Variants in SENP2 observed in about 807,000 individuals in gnomAD.
The protein encoded by SENP2 is SUMO specific peptidase 2.
A neutral mutation model predicts 86.3 loss-of-function variants in SENP2; 16 were observed. That is an observed-to-expected ratio of 0.19 (90% CI 0.13 to 0.28). The LOEUF is 0.28. SENP2 is among the 10% of genes least tolerant of loss of function. The pLI is 1.00. For missense variants in SENP2, 552 were observed against 703.0 expected, an observed-to-expected ratio of 0.79 and a Z score of 2.43; for synonymous variants, 222 against 238.7, an observed-to-expected ratio of 0.93 and a Z score of 0.64.
chr3:185,611,881 G>T (rs923947818), intron 8 of SENP2, 136 bp downstream of exon 8: 21 of 672,296 alleles, frequency 3.1e-5, no homozygotes, highest in Admixed American at 5.4e-5. Context: ...ATTGGGCCGG[G>T]CGCGGTGGCT....
intron 16 of SENP2, among the ~76,000 whole-genome samples, chr3:185,628,509 C>T (rs1712254245): frequency 6.6e-6 from 1 of 151,374 alleles, no homozygotes; most frequent in African/African-American, 2.4e-5. Flanking sequence ...ATAATGTGAA[C>T]TTCTTTTTTT....
intron 16 of SENP2, among the ~76,000 whole-genome samples, chr3:185,628,433 G>T (rs763054007): frequency 6.6e-6 from 1 of 152,034 alleles, no homozygotes; most frequent in Non-Finnish European, 1.5e-5. Flanking sequence ...CACCACGCCC[G>T]GTGACATCAC....
Position 185,586,352 on chromosome 3 carries a change from GGCGACA to G in SENP2, c.-59_-54del, listed in dbSNP as rs909927347. 1 of 1,597,638 alleles carries G rather than the reference GGCGACA, an allele frequency of 6.3e-7. No homozygotes were observed. The highest frequency in any genetic ancestry group is 1.1e-5 in the South Asian group (1 of 90,026). On this transcript the variant is annotated 5_prime_UTR_variant, in exon 1 of 17. Coordinates refer to ENST00000296257, the MANE Select transcript of SENP2 (RefSeq NM_021627.3). The surrounding 1 kb of genome is among the most constrained non-coding windows in gnomAD (Gnocchi z 4.3). ...TTAAGACGGCGAAGGCGGCAGCGGC[GGCGACA>G]GCTCTGGGGTTTGCGTCTCGGGGTG... is the stretch of plus-strand genomic sequence containing the variant.
intron 7 of SENP2, among the ~76,000 whole-genome samples, chr3:185,609,878 A>G (rs1219726315): frequency 1.3e-5 from 2 of 152,170 alleles, no homozygotes; most frequent in Admixed American, 1.3e-4. Context: ...TTGGAAACCC[A>G]CTAGAGACAA....
At chr3:185,601,542 T>G (rs1013380319) in intron 5 of SENP2, among the ~76,000 whole-genome samples, 4 of 152,052 alleles carry the variant, frequency 2.6e-5, no homozygotes, top group Admixed American at 6.6e-5. Flanking sequence ...TTATTAATAG[T>G]TTTCTTACTT....
intron 4 of SENP2, among the ~76,000 whole-genome samples, 174 bp from the exon 5 acceptor site, chr3:185,600,591 C>T (rs2148984368): frequency 6.6e-6 from 1 of 152,278 alleles, no homozygotes; most frequent in Admixed American, 6.5e-5. Context: ...CTATTGCTTT[C>T]CTTTAACGTC....
intron 11 of SENP2, 97 bp downstream of exon 11, chr3:185,614,837 T>C (rs1711543971): frequency 8.8e-7 from 1 of 1,134,064 alleles, no homozygotes; most frequent in African/African-American, 1.6e-5. Flanking sequence ...TTCTCCAGGC[T>C]AGGGGTGAAT....
intron 1 of SENP2, 35 bp from the exon 2 acceptor site, chr3:185,590,079 C>A: frequency 1.7e-6 from 2 of 1,182,990 alleles, no homozygotes; most frequent in South Asian, 1.6e-5. Flanking sequence ...GTGTGTAAAT[C>A]TATATATATA....
chr3:185,614,385 T>G (rs1191795955), intron 10 of SENP2, 179 bp from the exon 11 acceptor site: 9 of 590,094 alleles, frequency 1.5e-5, no homozygotes, highest in Middle Eastern at 4.3e-4. Flanking sequence ...GGCCTAGGTC[T>G]GGAGCTTTTT....
chr3:185,617,391 T>C lies in SENP2; in HGVS notation c.1111-89T>C, dbSNP rs539644195. Reference sequence around the variant, plus strand: ...TCTCAAGAGTCAGGTGTTGCCGAGATGAAAAACTTTTTTCAGTCTCGGAGT... The same window carrying C: ...TCTCAAGAGTCAGGTGTTGCCGAGACGAAAAACTTTTTTCAGTCTCGGAGT... On this transcript the variant is annotated intron_variant, in intron 11 of 16. Transcript: ENST00000296257. 2.0e-5 allele frequency: 23 copies of C among 1,130,020 alleles called. No individual in the cohort carries two copies. In the South Asian group the frequency reaches 2.9e-4, roughly 14 times the overall value. 70.0% of individuals were successfully genotyped at this position (1,130,020 alleles called of 1,614,324 possible).
intron 5 of SENP2, 106 bp downstream of exon 5, chr3:185,600,961 C>T: frequency 1.4e-6 from 1 of 705,240 alleles, no homozygotes; most frequent in Non-Finnish European, 2.5e-6. Context: ...GCTAAGCGCT[C>T]TGAGGTTAGT....
At chr3:185,624,971 G>A (rs1170736712) in intron 15 of SENP2, among the ~76,000 whole-genome samples, 1 of 152,152 alleles carries the variant, frequency 6.6e-6, no homozygotes, top group Non-Finnish European at 1.5e-5. Context: ...CTGTGTTCTG[G>A]TATGGGAAAT....
chr3:185,614,093 A>C (rs1387332980), intron 10 of SENP2, among the ~76,000 whole-genome samples: 2 of 152,192 alleles, frequency 1.3e-5, no homozygotes, highest in African/African-American at 4.8e-5. Flanking sequence ...ATAGGTGTTC[A>C]TTCAAATTAA....
At position 185,632,224 on chromosome 3, in the gene SENP2, G is replaced by GTTTTT. The variant is rs766556308; in HGVS notation, c.*2388_*2392dup. 41 of 71,890 alleles carry GTTTTT rather than the reference G, an allele frequency of 5.7e-4. No homozygotes were observed. The highest frequency in any genetic ancestry group is 6.7e-4 in the Non-Finnish European group (23 of 34,106). The allele number at this position is 71,890 out of a possible 1,614,324, so 4.5% of individuals were successfully genotyped here. A position where few individuals can be genotyped will look rare whatever the true frequency, so the allele number is the denominator to read the frequency against. ...CATTAAAGCCAGTGGTTTTTTTTTT[G>GTTTTT]TTTTTTTTTTTTGTTTTTTTTTTTT... On this transcript the variant is annotated 3_prime_UTR_variant, in exon 17 of 17. Transcript: ENST00000296257.
chr3:185,613,588 T>TAAA, intron 10 of SENP2, 180 bp downstream of exon 10: 1 of 406,500 alleles, frequency 2.5e-6, no homozygotes, highest in South Asian at 3.5e-5. Flanking sequence ...CCCAGAACTT[T>TAAA]AGGAGGCCAA....
chr3:185,597,213 AGTGTGT>A (rs376119566), intron 2 of SENP2, among the ~76,000 whole-genome samples: 1 of 150,794 alleles, frequency 6.6e-6, no homozygotes, highest in South Asian at 2.1e-4. Flanking sequence ...GAACATTTTG[AGTGTGT>A]GTGTGTGTGT....
chr3:185,600,820 C>T lies in SENP2; in HGVS notation c.414C>T (p.Thr138=). ...SDYPKIRVTV[T]RDQPRRVLPS... ...ATCCAAAGATCAGAGTGACAGTTAC[C>T]CGAGATCAGCCACGCAGAGTCCTGC... The change falls in exon 5 of 17, where the codon ACC becomes ACT. Residue 138 remains threonine, a synonymous_variant. Coordinates refer to ENST00000296257, the MANE Select transcript of SENP2 (RefSeq NM_021627.3). The T allele has an allele frequency of 6.2e-7, 1 of 1,612,142 alleles. No individual in the cohort carries two copies. Among genetic ancestry groups the T allele is most frequent in the South Asian group, 1.1e-5 (1 of 91,008 alleles).
At chr3:185,603,539 G>A (rs930297019) in intron 5 of SENP2, among the ~76,000 whole-genome samples, 8 of 152,206 alleles carry the variant, frequency 5.3e-5, no homozygotes, top group African/African-American at 1.9e-4. Context: ...TGCATGCAAT[G>A]TGAGATCCTG....
chr3:185,586,441 G>C lies in SENP2; in HGVS notation c.28G>C (p.Gly10Arg), dbSNP rs1721783792. The C allele has an allele frequency of 1.2e-6, 2 of 1,614,050 alleles. No individual in the cohort carries two copies. The highest frequency in any genetic ancestry group is 1.7e-6 in the Non-Finnish European group (2 of 1,180,002). The part of the protein sequence containing the change: MYRWLVRIL[G>R]TIFRFCDRSV... ...GTACAGATGGCTGGTTAGGATTCTC[G>C]GCACCATTTTCCGTTTCTGCGACCG... Residue 10 changes from glycine to arginine, a missense_variant, in exon 1 of 17, where the codon GGC (glycine) becomes CGC (arginine). Transcript: ENST00000296257. The surrounding 1 kb of genome is among the most constrained non-coding windows in gnomAD (Gnocchi z 4.3).
Sources: allele counts gnomAD v4.1 joint callset (sites outside exome capture counted in the v4.1 genomes callset), GRCh38; gene constraint gnomAD v4.1.1; non-coding constraint Gnocchi (gnomAD v3.1); transcripts MANE v1.5; gene names NCBI Gene and HGNC (gene_info 2026-07-23, HGNC 2026-07-21).